DNPH1: variants seen among roughly 807,000 people sequenced by gnomAD.
DNPH1 encodes 5-hydroxymethyl-dUMP N-hydrolase.
DNPH1 carries 18 observed loss-of-function variants against 15.7 expected under a neutral mutation model. The observed-to-expected ratio is 1.15, with a 90% CI of 0.79 to 1.70. The LOEUF is 1.70. Ranked by LOEUF, DNPH1 falls within the 40% of genes most tolerant of loss-of-function variation. The pLI is 0.00. For missense variants in DNPH1, 262 were observed against 255.2 expected (o/e 1.03, Z -0.18); for synonymous variants, 114 against 107.9 (o/e 1.06, Z -0.35).
Position 43,226,714 on chromosome 6 carries a change from T to C in DNPH1, c.197-319A>G. The C allele has an allele frequency of 2.6e-6, 1 of 380,388 alleles. No homozygotes were observed. The highest frequency in any genetic ancestry group is 4.7e-6 in the Non-Finnish European group (1 of 210,830). 23.6% of individuals were successfully genotyped at this position (380,388 alleles called of 1,614,324 possible). ...GGAGAGGCATCCTAGGCCCAGAAGG[T>C]AGGGATCTCGGGTCTTAGCTTGATT... On this transcript the variant is annotated intron_variant, in intron 1 of 3. Coordinates refer to ENST00000230431, the MANE Select transcript of DNPH1 (RefSeq NM_006443.3). The surrounding 1 kb of genome is among the most constrained non-coding windows in gnomAD (Gnocchi z 4.1).
Position 43,229,309 on chromosome 6 carries a change from C to G in DNPH1, c.148G>C (p.Gly50Arg). 1 of 1,482,892 alleles carries G rather than the reference C, an allele frequency of 6.7e-7. No homozygotes were observed. Among genetic ancestry groups the G allele is most frequent in the Non-Finnish European group, 8.9e-7 (1 of 1,119,810 alleles). The allele number at this position is 1,482,892 out of a possible 1,614,324, so 91.9% of individuals were successfully genotyped here. A position where few individuals can be genotyped will look rare whatever the true frequency, so the allele number is the denominator to read the frequency against. ...ERIVSRLRRF[G>R]TVLTEHVAAA... ...GCCACGTGCTCGGTGAGCACTGTCC[C>G]GAATCGCCGCAGCCGAGACACGATC... Residue 50 changes from glycine to arginine, a missense_variant, in exon 1 of 4, where the codon GGG (glycine) becomes CGG (arginine). Transcript: ENST00000230431.
rs1293081128 is a variant in DNPH1, at chr6:43,225,845, G to C, written c.413C>G (p.Ser138Cys). ...CTCATAGTCCCACACCTGGAACCGA[G>C]AGCCATCTGCTGCTCCCCGGATCAT... ...SAMIRGAADGSRFQVWDYEEG... is the reference protein window; with the variant it reads ...SAMIRGAADGCRFQVWDYEEG... Residue 138 changes from serine to cysteine, a missense_variant, in exon 4 of 4, where the codon TCT becomes TGT. Transcript: ENST00000230431. 3 of 1,614,070 alleles carry C rather than the reference G, an allele frequency of 1.9e-6. No individual in the cohort carries two copies. The highest frequency in any genetic ancestry group is 2.5e-6 in the Non-Finnish European group (3 of 1,180,042).
In DNPH1 at chr6:43,226,265, A is replaced by T; in HGVS notation, c.265+62T>A. On this transcript the variant is annotated intron_variant, in intron 2 of 3. Coordinates refer to ENST00000230431, the MANE Select transcript of DNPH1 (RefSeq NM_006443.3). The surrounding 1 kb of genome is among the most constrained non-coding windows in gnomAD (Gnocchi z 4.1). ...GTCCCTTCTAGGTGTGGAGGCTGGG[A>T]TGTCCAGGGGAACCCAGCACTCCAG... is the stretch of plus-strand genomic sequence containing the variant. The T allele has an allele frequency of 6.2e-7, 1 of 1,600,862 alleles. No individual in the cohort carries two copies. Among genetic ancestry groups the T allele is most frequent in the Non-Finnish European group, 8.5e-7 (1 of 1,173,598 alleles).
chr6:43,228,736 G>A (rs993576862), intron 1 of DNPH1, among the ~76,000 whole-genome samples: 1 of 151,742 alleles, frequency 6.6e-6, no homozygotes, highest in African/African-American at 2.4e-5. Context: ...TGAGGCAAGA[G>A]AATCACTTGA....
In DNPH1 at chr6:43,226,395, CCT is replaced by C. The variant is rs777966030; in HGVS notation, c.197-2_197-1del. The C allele has an allele frequency of 6.2e-6, 10 of 1,611,758 alleles. No individual in the cohort carries two copies. In the South Asian group the frequency reaches 8.8e-5, roughly 14 times the overall value. On this transcript the variant is annotated splice_acceptor_variant, in intron 1 of 3. Coordinates refer to ENST00000230431, the MANE Select transcript of DNPH1 (RefSeq NM_006443.3). LOFTEE classifies it high-confidence loss of function. This position sits in a 1 kb window ranked among gnomAD's most constrained non-coding sequence, Gnocchi z 4.1. Reference sequence around the variant, plus strand: ...CCTGTCACCCCCAGCAGCCTCTTCCCCTGTGTTGAGGGAAAGCTGGTCAAGGA... The same window carrying C: ...CCTGTCACCCCCAGCAGCCTCTTCCCGTGTTGAGGGAAAGCTGGTCAAGGA...
chr6:43,226,067 C>A lies in DNPH1; in HGVS notation c.342G>T (p.Arg114=). The A allele has an allele frequency of 1.9e-6, 3 of 1,613,812 alleles. No individual in the cohort carries two copies. Among genetic ancestry groups the A allele is most frequent in the Non-Finnish European group, 2.5e-6 (3 of 1,179,986 alleles). ...ELGRAVAFNK[R]ILCLFRPQSG... is the part of the protein sequence containing the mutation. ...ACTGCGGGCGGAACAGGCACAGGAT[C>A]CGCTTGTTAAAGGCCACGGCCCGGC... Residue 114 remains arginine, a synonymous_variant, in exon 3 of 4, where the codon CGG becomes CGT. Coordinates refer to ENST00000230431, the MANE Select transcript of DNPH1 (RefSeq NM_006443.3). This position sits in a 1 kb window ranked among gnomAD's most constrained non-coding sequence, Gnocchi z 4.1.
intron 1 of DNPH1, chr6:43,229,025 TC>T: frequency 2.3e-6 from 1 of 430,796 alleles, no homozygotes; most frequent in Non-Finnish European, 4.4e-6. Context: ...GAACCAAAGG[TC>T]AAGATAATGC....
At chr6:43,229,187 G>T in intron 1 of DNPH1, 74 bp downstream of exon 1, 2 of 1,276,188 alleles carry the variant, frequency 1.6e-6, no homozygotes, top group African/African-American at 3.2e-5. Flanking sequence ...TCGGGGGGGC[G>T]GACAGGCCGG....
At position 43,225,819 on chromosome 6, in the gene DNPH1, C is replaced by T. The variant is rs751828042; in HGVS notation, c.439G>A (p.Glu147Lys). Residue 147 changes from glutamate (E) to lysine (K), a missense_variant, in exon 4 of 4, where the codon GAG becomes AAG. Coordinates refer to ENST00000230431, the MANE Select transcript of DNPH1 (RefSeq NM_006443.3). ...TCCAGCAGGGCCTCCACCTCTCCCT[C>T]CTCATAGTCCCACACCTGGAACCGA... is the stretch of plus-strand genomic sequence containing the variant. ...GSRFQVWDYE[E>K]GEVEALLDRY... 13 of 1,614,216 alleles carry T rather than the reference C, an allele frequency of 8.1e-6. No individual in the cohort carries two copies. The highest frequency in any genetic ancestry group is 1.1e-5 in the Non-Finnish European group (13 of 1,180,042).
chr6:43,227,302 C>T (rs1314488307), intron 1 of DNPH1, among the ~76,000 whole-genome samples: 1 of 151,982 alleles, frequency 6.6e-6, no homozygotes, highest in East Asian at 1.9e-4. Flanking sequence ...GTAATCCCAG[C>T]TACTCGGGAG....
In DNPH1 at chr6:43,226,186, T is replaced by G. The variant is rs776751031; in HGVS notation, c.266-43A>C. The G allele has an allele frequency of 3.1e-6, 5 of 1,610,060 alleles. No individual in the cohort carries two copies. Among genetic ancestry groups the G allele is most frequent in the Non-Finnish European group, 4.2e-6 (5 of 1,179,080 alleles). On this transcript the variant is annotated intron_variant, in intron 2 of 3. Coordinates refer to ENST00000230431, the MANE Select transcript of DNPH1 (RefSeq NM_006443.3). This position sits in a 1 kb window ranked among gnomAD's most constrained non-coding sequence, Gnocchi z 4.1. ...AGGAAGCCTCAGCATTGGGGGCACT[T>G]GAGGTTCATAAGGAAGACGACGGTG...
Position 43,226,293 on chromosome 6 carries a change from G to A in DNPH1, c.265+34C>T. ...TCCAGGGGAACCCAGCACTCCAGAG[G>A]AGTTAGGTGCTGGAAGGAGGGAGCG... On this transcript the variant is annotated intron_variant, in intron 2 of 3. Coordinates refer to ENST00000230431, the MANE Select transcript of DNPH1 (RefSeq NM_006443.3). This position sits in a 1 kb window ranked among gnomAD's most constrained non-coding sequence, Gnocchi z 4.1. 1 of 1,609,010 alleles carries A rather than the reference G, an allele frequency of 6.2e-7. No homozygotes were observed. Among genetic ancestry groups the A allele is most frequent in the Admixed American group, 1.7e-5 (1 of 59,830 alleles).
chr6:43,226,370 C>A lies in DNPH1; in HGVS notation c.222G>T (p.Arg74Ser), dbSNP rs1389736213. The stretch of plus-strand genomic sequence containing the variant: ...ACTCCAGGTCCTGCTCATGGATGAG[C>A]CTGTCACCCCCAGCAGCCTCTTCCC... ...ARGEEAAGGDRLIHEQDLEWL... is the reference protein window; with the variant it reads ...ARGEEAAGGDSLIHEQDLEWL... Residue 74 changes from arginine to serine, a missense_variant, in exon 2 of 4, where the codon AGG becomes AGT. Physicochemically the swap from Arg to Ser is moderately radical, Grantham distance 110. Coordinates refer to ENST00000230431, the MANE Select transcript of DNPH1 (RefSeq NM_006443.3). The surrounding 1 kb of genome is among the most constrained non-coding windows in gnomAD (Gnocchi z 4.1). The A allele has an allele frequency of 1.2e-6, 2 of 1,612,798 alleles. No homozygotes were observed. The highest frequency in any genetic ancestry group is 2.2e-5 in the East Asian group (1 of 44,864).
chr6:43,226,157 TGA>T lies in DNPH1; in HGVS notation c.266-16_266-15del, dbSNP rs898532254. 12 of 1,612,560 alleles carry T rather than the reference TGA, an allele frequency of 7.4e-6. No individual in the cohort carries two copies. Among genetic ancestry groups the T allele is most frequent in the Middle Eastern group, 3.3e-4 (2 of 6,080 alleles). ...CTGCCACGACCACTGGGAGGAAAGA[TGA>T]GAGGAAGCCTCAGCATTGGGGGCAC... On this transcript the variant is annotated splice_polypyrimidine_tract_variant and intron_variant, in intron 2 of 3. Coordinates refer to ENST00000230431, the MANE Select transcript of DNPH1 (RefSeq NM_006443.3). This position sits in a 1 kb window ranked among gnomAD's most constrained non-coding sequence, Gnocchi z 4.1.
chr6:43,226,040 A>G lies in DNPH1; in HGVS notation c.369T>C (p.Ser123=), dbSNP rs371802596. 3 of 1,613,882 alleles carry G rather than the reference A, an allele frequency of 1.9e-6. No individual in the cohort carries two copies. Among genetic ancestry groups the G allele is most frequent in the Non-Finnish European group, 2.5e-6 (3 of 1,179,928 alleles). The stretch of plus-strand genomic sequence containing the variant: ...GAGGCTTGGGGTGCTCACCGCGGCC[A>G]GACTGCGGGCGGAACAGGCACAGGA... ...KRILCLFRPQ[S]GRVLSAMIRG... The change falls in exon 3 of 4, where the codon TCT becomes TCC. Residue 123 remains serine, a synonymous_variant. Transcript: ENST00000230431. The surrounding 1 kb of genome is among the most constrained non-coding windows in gnomAD (Gnocchi z 4.1).
chr6:43,226,148 G>A lies in DNPH1; in HGVS notation c.266-5C>T. 6.2e-7 allele frequency: 1 copy of A among 1,612,906 alleles called. No homozygotes were observed. Among genetic ancestry groups the A allele is most frequent in the South Asian group, 1.1e-5 (1 of 91,066 alleles). ...GTGTCACTTCTGCCACGACCACTGG[G>A]AGGAAAGATGAGAGGAAGCCTCAGC... On this transcript the variant is annotated splice_region_variant and splice_polypyrimidine_tract_variant and intron_variant, in intron 2 of 3. Coordinates refer to ENST00000230431, the MANE Select transcript of DNPH1 (RefSeq NM_006443.3). This position sits in a 1 kb window ranked among gnomAD's most constrained non-coding sequence, Gnocchi z 4.1.
rs565523358 is a variant in DNPH1 at position 43,226,837 on chromosome 6, T to A, written c.197-442A>T. Among the ~76,000 whole-genome samples, 46 of 152,326 alleles carry A rather than the reference T, an allele frequency of 3.0e-4. No individual in the cohort carries two copies. Among genetic ancestry groups the A allele is most frequent in the African/African-American group, 1.1e-3 (46 of 41,574 alleles). On this transcript the variant is annotated intron_variant, in intron 1 of 3. Transcript: ENST00000230431. The surrounding 1 kb of genome is among the most constrained non-coding windows in gnomAD (Gnocchi z 4.1). Reference sequence around the variant, plus strand: ...GTACAGATTCCAGGGCCAGGCGCGGTGGCTCATGCCTGTAATCCCAGCACT... The same window carrying A: ...GTACAGATTCCAGGGCCAGGCGCGGAGGCTCATGCCTGTAATCCCAGCACT...
chr6:43,226,211 G>C lies in DNPH1; in HGVS notation c.266-68C>G. The C allele has an allele frequency of 6.2e-7, 1 of 1,603,542 alleles. No homozygotes were observed. The highest frequency in any genetic ancestry group is 8.5e-7 in the Non-Finnish European group (1 of 1,176,300). On this transcript the variant is annotated intron_variant, in intron 2 of 3. Transcript: ENST00000230431. The surrounding 1 kb of genome is among the most constrained non-coding windows in gnomAD (Gnocchi z 4.1). The stretch of plus-strand genomic sequence containing the variant: ...TGAGGTTCATAAGGAAGACGACGGT[G>C]TGGCTGTGGTGAGGAGGGAACTCTG...
Position 43,226,015 on chromosome 6 carries a change from G to C in DNPH1, c.376+18C>G. ...GCTGGGTCCATAGAAAGCCAGGAGG[G>C]AGGCTTGGGGTGCTCACCGCGGCCA... On this transcript the variant is annotated intron_variant, in intron 3 of 3. Coordinates refer to ENST00000230431, the MANE Select transcript of DNPH1 (RefSeq NM_006443.3). The surrounding 1 kb of genome is among the most constrained non-coding windows in gnomAD (Gnocchi z 4.1). The C allele has an allele frequency of 2.5e-6, 4 of 1,613,720 alleles. No individual in the cohort carries two copies. Among genetic ancestry groups the C allele is most frequent in the Non-Finnish European group, 3.4e-6 (4 of 1,179,852 alleles).
Sources: allele counts gnomAD v4.1 joint callset (sites outside exome capture counted in the v4.1 genomes callset), GRCh38; gene constraint gnomAD v4.1.1; non-coding constraint Gnocchi (gnomAD v3.1); transcripts MANE v1.5; gene names NCBI Gene and HGNC (gene_info 2026-07-23, HGNC 2026-07-21).